Variants in DOCK5 observed in about 807,000 individuals in gnomAD.
DOCK5 encodes dedicator of cytokinesis protein 5.
DOCK5 carries 142 observed loss-of-function variants against 251.8 expected under a neutral mutation model. That is an observed-to-expected ratio of 0.56 (90% CI 0.49 to 0.65). DOCK5 has a LOEUF of 0.65. Among genes scored for constraint, DOCK5 ranks in the 30% least tolerant of loss-of-function variants. The pLI, the probability that DOCK5 is intolerant of heterozygous loss-of-function variation, is 0.00. For synonymous variants in DOCK5, 842 were observed against 835.5 expected, an observed-to-expected ratio of 1.01 and a Z score of -0.13; for missense variants, 2,111 against 2,312.3, an observed-to-expected ratio of 0.91 and a Z score of 1.79.
intron 29 of DOCK5, among the ~76,000 whole-genome samples, chr8:25,363,714 C>G (rs1338771036): frequency 1.3e-5 from 2 of 152,192 alleles, no homozygotes; most frequent in African/African-American, 2.4e-5. Context: ...CTGCTACTTC[C>G]CTGTGTATGC....
At chr8:25,361,216 A>G (rs941303803) in intron 28 of DOCK5, among the ~76,000 whole-genome samples, 1 of 152,224 alleles carries the variant, frequency 6.6e-6, no homozygotes, top group Non-Finnish European at 1.5e-5. Flanking sequence ...GAAGCAAATA[A>G]CAAGTATCTA....
intron 22 of DOCK5, among the ~76,000 whole-genome samples, chr8:25,340,154 G>C (rs1805917581): frequency 6.6e-6 from 1 of 152,168 alleles, no homozygotes. Flanking sequence ...TTCTGTTGTA[G>C]GTGTGTTAAT....
chr8:25,394,099 T>C (rs1801305400), intron 44 of DOCK5, among the ~76,000 whole-genome samples: 1 of 152,212 alleles, frequency 6.6e-6, no homozygotes, highest in African/African-American at 2.4e-5. Context: ...CATGTGCCTG[T>C]CATCCTAGCT....
intron 21 of DOCK5, among the ~76,000 whole-genome samples, chr8:25,336,010 A>C (rs1297412975): frequency 6.6e-6 from 1 of 152,264 alleles, no homozygotes; most frequent in African/African-American, 2.4e-5. Context: ...ACAAAGGGAA[A>C]GAAACCTTTT....
rs368748190 is a variant in DOCK5, at chr8:25,278,582, G to T, written c.238G>T (p.Val80Leu). Residue 80 changes from valine (V) to leucine (L), a missense_variant, in exon 5 of 52, where the codon GTG becomes TTG. By Grantham distance (32) the Val-to-Leu change is conservative. Coordinates refer to ENST00000276440, the MANE Select transcript of DOCK5 (RefSeq NM_024940.8). ...GGTTCTTTGTAGGCAGCATGAAACCGTGATTCCTGGCGAGCTCCCCCTGGT... is the reference window on the plus strand; with the variant it reads ...GGTTCTTTGTAGGCAGCATGAAACCTTGATTCCTGGCGAGCTCCCCCTGGT... ...TVEDLGQHETVIPGELPLVQE... is the reference protein window; with the variant it reads ...TVEDLGQHETLIPGELPLVQE... 1.2e-6 allele frequency: 2 copies of T among 1,613,910 alleles called. No homozygotes were observed. The highest frequency in any genetic ancestry group is 4.5e-5 in the East Asian group (2 of 44,854).
chr8:25,398,666 T>A (rs565004345), intron 45 of DOCK5, among the ~76,000 whole-genome samples: 1 of 152,322 alleles, frequency 6.6e-6, no homozygotes, highest in African/African-American at 2.4e-5. Flanking sequence ...GATGGCCATC[T>A]TCTTGCATCT....
intron 9 of DOCK5, among the ~76,000 whole-genome samples, chr8:25,301,216 C>G (rs925430091): frequency 2.6e-5 from 4 of 152,170 alleles, no homozygotes; most frequent in African/African-American, 9.7e-5. Flanking sequence ...CAGGTATCCA[C>G]CAGGGGTCTC....
chr8:25,215,126 A>T (rs1350831673), intron 1 of DOCK5, among the ~76,000 whole-genome samples: 1 of 152,160 alleles, frequency 6.6e-6, no homozygotes, highest in Non-Finnish European at 1.5e-5. Context: ...GGAGTCATCC[A>T]GCCCCCGTTG....
At position 25,378,489 on chromosome 8, in the gene DOCK5, C is replaced by T. The variant is rs547424840; in HGVS notation, c.3936+1065C>T. On this transcript the variant is annotated intron_variant, in intron 38 of 51. Coordinates refer to ENST00000276440, the MANE Select transcript of DOCK5 (RefSeq NM_024940.8). ...TTAATTTTGAAGTGTTTCCCAATGG[C>T]TTGTGGGCTCTGCACACATTTCCTC... Among the ~76,000 whole-genome samples the T allele has an allele frequency of 9.2e-5, 14 of 152,212 alleles. No individual in the cohort carries two copies. The South Asian group carries it at 2.9e-3, about 31-fold the overall frequency.
At position 25,323,866 on chromosome 8, in the gene DOCK5, G is replaced by A. The variant is rs141239463; in HGVS notation, c.1634G>A (p.Arg545Gln). 5.0e-5 allele frequency: 80 copies of A among 1,613,232 alleles called. No individual in the cohort carries two copies. The highest frequency in any genetic ancestry group is 6.7e-5 in the East Asian group (3 of 44,878). ...TTTTCAGCCAGAGATAAATCGGAGC[G>A]AGCATTTGGGGTGGCCTTCGTGAAG... is the stretch of plus-strand genomic sequence containing the variant. ...SSQETRDKSE[R>Q]AFGVAFVKLM... is the part of the protein sequence containing the mutation. The change falls in exon 17 of 52, where the codon CGA becomes CAA. Residue 545 changes from arginine (R) to glutamine (Q), a missense_variant. By Grantham distance (43) the Arg-to-Gln change is conservative. Around this residue, in one of 3 missense-constraint regions of DOCK5, gnomAD observed 1,717 missense variants for 1,892.4 expected, o/e 0.91. Transcript: ENST00000276440.
chr8:25,269,192 AG>A (rs1803841738), intron 3 of DOCK5, among the ~76,000 whole-genome samples: 2 of 152,214 alleles, frequency 1.3e-5, no homozygotes, highest in Non-Finnish European at 2.9e-5. Flanking sequence ...TCTCTTTTGC[AG>A]GGAGGGGTGG....
At chr8:25,324,894 G>A (rs1201319380) in intron 17 of DOCK5, among the ~76,000 whole-genome samples, 2 of 149,692 alleles carry the variant, frequency 1.3e-5, no homozygotes, top group Non-Finnish European at 2.9e-5. Flanking sequence ...AGAACATGCG[G>A]TGTTTGGTTT....
chr8:25,373,066 C>T (rs1367403311), intron 35 of DOCK5, among the ~76,000 whole-genome samples: 1 of 149,046 alleles, frequency 6.7e-6, no homozygotes, highest in Admixed American at 6.7e-5. Flanking sequence ...GTGGTGCGAT[C>T]TCAGCTCACC....
intron 34 of DOCK5, among the ~76,000 whole-genome samples, chr8:25,370,525 G>A (rs1800854739): frequency 6.6e-6 from 1 of 152,158 alleles, no homozygotes. Context: ...GTTTTTAAGA[G>A]ATAGGGTCTC....
At chr8:25,301,154 C>T (rs1440471225) in intron 9 of DOCK5, among the ~76,000 whole-genome samples, 3 of 152,142 alleles carry the variant, frequency 2.0e-5, no homozygotes, top group Non-Finnish European at 4.4e-5. Flanking sequence ...TTTATAAATA[C>T]TTATGTATAG....
chr8:25,404,344 G>C (rs1406841387), intron 48 of DOCK5, among the ~76,000 whole-genome samples: 2 of 152,090 alleles, frequency 1.3e-5, no homozygotes, highest in Non-Finnish European at 2.9e-5. Context: ...TGTAGCTATA[G>C]ATATGGCTCA....
intron 47 of DOCK5, among the ~76,000 whole-genome samples, 164 bp downstream of exon 47, chr8:25,401,230 C>T (rs1257329971): frequency 6.6e-6 from 1 of 152,072 alleles, no homozygotes. Context: ...TGACCTTGAG[C>T]AGTCCTTGTG....
intron 5 of DOCK5, among the ~76,000 whole-genome samples, chr8:25,288,666 G>A (rs764636284): frequency 1.6e-4 from 24 of 152,122 alleles, no homozygotes; most frequent in Non-Finnish European, 2.6e-4. Context: ...GGACAAATGC[G>A]TTGCAAGAAA....
intron 20 of DOCK5, among the ~76,000 whole-genome samples, chr8:25,332,918 T>C (rs1407895850): frequency 6.6e-6 from 1 of 152,242 alleles, no homozygotes; most frequent in Non-Finnish European, 1.5e-5. Flanking sequence ...ATATGCTCTT[T>C]CTCATTAGAG....
Sources: gnomAD v4.1 joint callset for allele counts (sites outside exome capture counted in the v4.1 genomes callset) on GRCh38, gnomAD v4.1.1 for gene constraint, gnomAD v4.1.1 regional missense constraint, MANE v1.5 for transcripts, NCBI Gene and HGNC (gene_info 2026-07-23, HGNC 2026-07-21) for gene names.